The following ZFYVE9 variants were observed in gnomAD, a reference collection of about 807,000 sequenced individuals.
ZFYVE9 encodes the protein zinc finger FYVE domain-containing protein 9.
In ZFYVE9, 43 loss-of-function variants were observed where a neutral mutation model predicts 126.7. That is an observed-to-expected ratio of 0.34 (90% CI 0.27 to 0.44). ZFYVE9 has a LOEUF of 0.44. Ranked by LOEUF, ZFYVE9 falls within the 20% of genes least tolerant of loss-of-function variation. The pLI is 1.00. For missense variants in ZFYVE9, 1,476 were observed against 1,697.0 expected, an observed-to-expected ratio of 0.87 and a Z score of 2.29; for synonymous variants, 521 against 597.4, an observed-to-expected ratio of 0.87 and a Z score of 1.87.
intron 10 of ZFYVE9, among the ~76,000 whole-genome samples, chr1:52,287,809 G>A (rs1569676849): frequency 6.6e-6 from 1 of 152,104 alleles, no homozygotes; most frequent in Admixed American, 6.6e-5. Context: ...TGAGGCCGTA[G>A]TGAGCTATGA....
chr1:52,147,844 T>C (rs1248636633), intron 1 of ZFYVE9, among the ~76,000 whole-genome samples: 5 of 152,210 alleles, frequency 3.3e-5, no homozygotes, highest in African/African-American at 9.6e-5. Flanking sequence ...TGTATGAAGG[T>C]TCCAATTTCT....
chr1:52,338,967 G>T (rs1366730516), intron 16 of ZFYVE9, among the ~76,000 whole-genome samples: 1 of 152,168 alleles, frequency 6.6e-6, no homozygotes, highest in Non-Finnish European at 1.5e-5. Flanking sequence ...CCGAGATCAT[G>T]CCACTGCATT....
intron 1 of ZFYVE9, among the ~76,000 whole-genome samples, chr1:52,151,379 T>C (rs1457911556): frequency 6.6e-6 from 1 of 152,200 alleles, no homozygotes; most frequent in African/African-American, 2.4e-5. Context: ...GAGAGTTTTA[T>C]TGATTTTCCT....
intron 4 of ZFYVE9, among the ~76,000 whole-genome samples, chr1:52,260,820 GA>G (rs962702157): frequency 4.0e-5 from 6 of 150,234 alleles, no homozygotes; most frequent in African/African-American, 9.8e-5. Flanking sequence ...CTAGCTCAAA[GA>G]AAAAAAAATG....
Position 52,142,822 on chromosome 1 carries a change from C to T in ZFYVE9, c.-143+419C>T, listed in dbSNP as rs930169451. Among the ~76,000 whole-genome samples the T allele has an allele frequency of 5.3e-5, 8 of 152,136 alleles. No homozygotes were observed. Among genetic ancestry groups the T allele is most frequent in the Non-Finnish European group, 1.2e-4 (8 of 68,022 alleles). On this transcript the variant is annotated intron_variant, in intron 1 of 18. Coordinates refer to ENST00000287727, the MANE Select transcript of ZFYVE9 (RefSeq NM_004799.4). The surrounding 1 kb of genome is among the most constrained non-coding windows in gnomAD (Gnocchi z 4.5). ...TCCCATACCGAGTCCCTCAGAATCC[C>T]GGTTGTGGCGGGGAAAGGGGGAGGA...
intron 4 of ZFYVE9, chr1:52,253,892 C>A: frequency 8.8e-7 from 1 of 1,136,094 alleles, no homozygotes; most frequent in Non-Finnish European, 1.3e-6. Flanking sequence ...AGCTATACTC[C>A]AAGCAAGATT....
chr1:52,235,157 CTT>C (rs1302813520), intron 3 of ZFYVE9, among the ~76,000 whole-genome samples: 3 of 151,904 alleles, frequency 2.0e-5, no homozygotes, highest in Non-Finnish European at 4.4e-5. Flanking sequence ...TTGGTTGTAA[CTT>C]TGTGGTTCAT....
intron 1 of ZFYVE9, among the ~76,000 whole-genome samples, chr1:52,202,539 C>G (rs995571101): frequency 1.3e-5 from 2 of 151,856 alleles, no homozygotes; most frequent in Admixed American, 6.6e-5. Flanking sequence ...CCTCAGCCTC[C>G]CAAAGTGCTA....
chr1:52,235,619 A>G (rs944713847), intron 3 of ZFYVE9, among the ~76,000 whole-genome samples: 11 of 152,240 alleles, frequency 7.2e-5, no homozygotes, highest in African/African-American at 2.6e-4. Flanking sequence ...GCCCTTTTTA[A>G]CAACTTTTCA....
At chr1:52,334,546 T>G (rs2147871691) in intron 14 of ZFYVE9, 142 bp from the exon 15 acceptor site, 1 of 741,966 alleles carries the variant, frequency 1.3e-6, no homozygotes, top group African/African-American at 1.8e-5. Context: ...GGTTACATGT[T>G]TATTGTGGAA....
At chr1:52,143,064 A>G (rs971401279) in intron 1 of ZFYVE9, among the ~76,000 whole-genome samples, 2 of 152,176 alleles carry the variant, frequency 1.3e-5, no homozygotes, top group Admixed American at 6.5e-5. Flanking sequence ...GCCCCATCGC[A>G]TCTTTGCGAT....
chr1:52,288,658 C>T (rs1250688198), intron 10 of ZFYVE9, among the ~76,000 whole-genome samples: 5 of 152,194 alleles, frequency 3.3e-5, no homozygotes, highest in African/African-American at 9.6e-5. Context: ...CGGTGGGTCA[C>T]GCCTGTAATC....
intron 6 of ZFYVE9, among the ~76,000 whole-genome samples, chr1:52,267,870 A>G (rs1645649237): frequency 6.6e-6 from 1 of 152,200 alleles, no homozygotes; most frequent in African/African-American, 2.4e-5. Context: ...AACACAAATT[A>G]CTTTTGCACT....
chr1:52,149,771 G>A (rs899720897), intron 1 of ZFYVE9, among the ~76,000 whole-genome samples: 2 of 152,162 alleles, frequency 1.3e-5, no homozygotes, highest in Non-Finnish European at 2.9e-5. Context: ...GGGATTACAG[G>A]TGTGAGCCAC....
intron 4 of ZFYVE9, among the ~76,000 whole-genome samples, chr1:52,261,335 T>C (rs1277383351): frequency 1.3e-5 from 2 of 151,952 alleles, no homozygotes; most frequent in African/African-American, 2.4e-5. Context: ...ACTCCTGGCT[T>C]CAAGCCATCT....
At chr1:52,311,946 A>G (rs1646140911) in intron 13 of ZFYVE9, among the ~76,000 whole-genome samples, 1 of 151,918 alleles carries the variant, frequency 6.6e-6, no homozygotes, top group South Asian at 2.1e-4. Flanking sequence ...AAACGCCACC[A>G]TGCCCAGCTA....
rs544492075 is a variant in ZFYVE9, at chr1:52,284,662, G to A, written c.3025+2846G>A. 5.9e-5 allele frequency among the ~76,000 whole-genome samples: 9 copies of A among 152,114 alleles called. No homozygotes were observed. The South Asian group carries it at 1.5e-3, about 25-fold the overall frequency. On this transcript the variant is annotated intron_variant, in intron 10 of 18. Transcript: ENST00000287727. Reference sequence around the variant, plus strand: ...TCTTGATTTCCTGACTTCGTGATCCGCCCGCCTCGGCCTCCGAAAGTGCTG... The same window carrying A: ...TCTTGATTTCCTGACTTCGTGATCCACCCGCCTCGGCCTCCGAAAGTGCTG...
intron 1 of ZFYVE9, chr1:52,180,548 T>G: frequency 1.5e-6 from 1 of 669,500 alleles, no homozygotes; most frequent in Non-Finnish European, 2.7e-6. Context: ...ATTCTGAGGG[T>G]GACTGAGGCT....
chr1:52,342,539 T>C (rs1333689332), intron 17 of ZFYVE9, among the ~76,000 whole-genome samples: 1 of 2,142 alleles, frequency 4.7e-4, no homozygotes, highest in African/African-American at 1.5e-3. Flanking sequence ...CAAAGTGCCT[T>C]TTTTTTTTTT....
Sources: gnomAD v4.1 joint callset for allele counts (sites outside exome capture counted in the v4.1 genomes callset) on GRCh38, gnomAD v4.1.1 for gene constraint, Gnocchi (gnomAD v3.1) non-coding constraint, MANE v1.5 for transcripts, NCBI Gene and HGNC (gene_info 2026-07-23, HGNC 2026-07-21) for gene names.